The following EPB41L3 variants were observed in gnomAD, a reference collection of about 807,000 sequenced individuals.
The protein encoded by EPB41L3 is erythrocyte membrane protein band 4.1 like 3, also known as band 4.1-like protein 3.
A neutral mutation model predicts 127.1 loss-of-function variants in EPB41L3; 57 were observed. The observed-to-expected ratio is 0.45, with a 90% confidence interval of 0.36 to 0.56. The LOEUF (loss-of-function observed/expected upper bound fraction) is 0.56, where lower values mean the gene tolerates loss of function less well. EPB41L3 is among the 20% of genes least tolerant of loss of function. EPB41L3 has a pLI of 0.00. For missense variants in EPB41L3, 1,273 were observed against 1,372.2 expected (o/e 0.93, Z 1.14); for synonymous variants, 572 against 549.5 (o/e 1.04, Z -0.57).
At chr18:5,459,756 A>T (rs936633406) in intron 3 of EPB41L3, among the ~76,000 whole-genome samples, 1 of 152,204 alleles carries the variant, frequency 6.6e-6, no homozygotes, top group African/African-American at 2.4e-5. Flanking sequence ...TATGCATTTG[A>T]TTATACATGA....
At chr18:5,485,969 T>C (rs1186053133) in intron 2 of EPB41L3, among the ~76,000 whole-genome samples, 1 of 152,068 alleles carries the variant, frequency 6.6e-6, no homozygotes, top group Non-Finnish European at 1.5e-5. Context: ...TATGACACTC[T>C]TCACAGAATT....
At chr18:5,608,444 C>T (rs1226388077) in intron 3 of EPB41L3, among the ~76,000 whole-genome samples, 3 of 152,174 alleles carry the variant, frequency 2.0e-5, no homozygotes, top group Non-Finnish European at 4.4e-5. Flanking sequence ...TGAGCACGCA[C>T]ATCATACACT....
chr18:5,582,696 C>T (rs1042732783), intron 3 of EPB41L3, among the ~76,000 whole-genome samples: 1 of 152,018 alleles, frequency 6.6e-6, no homozygotes. Flanking sequence ...AAACTGAGTC[C>T]CCTATGGCTA....
At chr18:5,399,475 T>C in intron 16 of EPB41L3, 1 of 397,792 alleles carries the variant, frequency 2.5e-6, no homozygotes, top group South Asian at 1.4e-4. Context: ...GGGCAACTGC[T>C]ACATGCAGGT....
intron 1 of EPB41L3, among the ~76,000 whole-genome samples, chr18:5,499,594 T>C (rs2091533788): frequency 6.6e-6 from 1 of 151,532 alleles, no homozygotes; most frequent in Non-Finnish European, 1.5e-5. Context: ...AAACCGTATC[T>C]CTACCAAAAA....
rs2093813361 is a variant in EPB41L3, at chr18:5,543,673, G to A, written c.-12+240C>T. 6.9e-6 allele frequency among the ~76,000 whole-genome samples: 1 copy of A among 144,752 alleles called. No homozygotes were observed. The highest frequency in any genetic ancestry group is 6.8e-5 in the Admixed American group (1 of 14,712). The allele number at this position is 144,752 out of a possible 152,430, so 95.0% of individuals were successfully genotyped here. A position where few individuals can be genotyped will look rare whatever the true frequency, so the allele number is the denominator to read the frequency against. On this transcript the variant is annotated intron_variant, in intron 1 of 22. Coordinates refer to ENST00000341928, the MANE Select transcript of EPB41L3 (RefSeq NM_012307.5). This position sits in a 1 kb window ranked among gnomAD's most constrained non-coding sequence, Gnocchi z 5.2. ...CCACTACTGCGCCGCGGCGGGCGGA[G>A]CGGGCGGGGGGCGCGGCGCGCAGGC...
chr18:5,568,705 T>C (rs1181810919), intron 3 of EPB41L3, among the ~76,000 whole-genome samples: 1 of 152,194 alleles, frequency 6.6e-6, no homozygotes, highest in Admixed American at 6.5e-5. Flanking sequence ...ATTCACTGGC[T>C]CTGGAATGGA....
chr18:5,439,598 T>C (rs1027031070), intron 5 of EPB41L3, among the ~76,000 whole-genome samples: 1 of 152,202 alleles, frequency 6.6e-6, no homozygotes, highest in African/African-American at 2.4e-5. Context: ...GGATTTACCA[T>C]AGGACCAGGC....
intron 3 of EPB41L3, among the ~76,000 whole-genome samples, chr18:5,557,631 CCT>C (rs1429446493): frequency 7.4e-6 from 1 of 135,690 alleles, no homozygotes. Context: ...ATGATCCACC[CCT>C]GTCGGCCTCC....
chr18:5,584,915 C>T (rs565717079), intron 3 of EPB41L3, among the ~76,000 whole-genome samples: 150 of 152,238 alleles, frequency 9.9e-4, no homozygotes, highest in Non-Finnish European at 1.7e-3. Context: ...CAGCATGAGA[C>T]GATGACTCAG....
intron 16 of EPB41L3, among the ~76,000 whole-genome samples, chr18:5,406,182 CG>C (rs1186066830): frequency 6.6e-6 from 1 of 151,960 alleles, no homozygotes; most frequent in Non-Finnish European, 1.5e-5. Context: ...ACCTGGGAGG[CG>C]GAGGCTACAG....
At chr18:5,461,581 T>C (rs913188068) in intron 3 of EPB41L3, among the ~76,000 whole-genome samples, 1 of 152,170 alleles carries the variant, frequency 6.6e-6, no homozygotes, top group African/African-American at 2.4e-5. Flanking sequence ...TGAATTAATA[T>C]CTAATCTGGT....
At chr18:5,498,364 C>T (rs758649533) in intron 1 of EPB41L3, among the ~76,000 whole-genome samples, 2 of 151,952 alleles carry the variant, frequency 1.3e-5, no homozygotes. Flanking sequence ...GAGGCTGAGG[C>T]GGGTGGATCA....
intron 16 of EPB41L3, chr18:5,400,308 G>C (rs2074295652): frequency 3.2e-6 from 1 of 317,112 alleles, no homozygotes; most frequent in Admixed American, 4.4e-5. Context: ...ATTACAGAGG[G>C]AAGAGATATC....
At chr18:5,582,377 G>C (rs1357672632) in intron 3 of EPB41L3, among the ~76,000 whole-genome samples, 1 of 152,130 alleles carries the variant, frequency 6.6e-6, no homozygotes, top group Non-Finnish European at 1.5e-5. Context: ...GATGGGGTGG[G>C]GGGAGGACCA....
intron 3 of EPB41L3, among the ~76,000 whole-genome samples, chr18:5,555,011 A>G (rs1568566330): frequency 6.6e-6 from 1 of 152,136 alleles, no homozygotes; most frequent in Non-Finnish European, 1.5e-5. Flanking sequence ...CTGTCATCCC[A>G]CTTGCTCCCA....
intron 1 of EPB41L3, among the ~76,000 whole-genome samples, chr18:5,513,628 G>C (rs558414816): frequency 6.6e-6 from 1 of 152,278 alleles, no homozygotes; most frequent in Non-Finnish European, 1.5e-5. Flanking sequence ...GGTAACTTTG[G>C]GTAAGTAACT....
At chr18:5,476,168 C>T (rs1337888357) in intron 3 of EPB41L3, among the ~76,000 whole-genome samples, 1 of 152,078 alleles carries the variant, frequency 6.6e-6, no homozygotes, top group Admixed American at 6.6e-5. Flanking sequence ...TTTACCATGT[C>T]CAAATTTCTC....
chr18:5,440,513 C>G (rs2080529705), intron 5 of EPB41L3, among the ~76,000 whole-genome samples: 1 of 152,008 alleles, frequency 6.6e-6, no homozygotes, highest in South Asian at 2.1e-4. Flanking sequence ...TCTACATCTG[C>G]TCAAATGAGG....
Sources: allele counts gnomAD v4.1 joint callset (sites outside exome capture counted in the v4.1 genomes callset), GRCh38; gene constraint gnomAD v4.1.1; non-coding constraint Gnocchi (gnomAD v3.1); transcripts MANE v1.5; gene names NCBI Gene and HGNC (gene_info 2026-07-23, HGNC 2026-07-21).